Variants in CEP112 observed in about 807,000 individuals in gnomAD.
CEP112 encodes the protein centrosomal protein 112.
CEP112 carries 127 observed loss-of-function variants against 153.0 expected under a neutral mutation model. That is an observed-to-expected ratio of 0.83 (90% CI 0.72 to 0.96). CEP112 has a LOEUF of 0.96. Among genes scored for constraint, CEP112 ranks in the 40% least tolerant of loss-of-function variants. The pLI is 0.00. For missense variants in CEP112, 1,089 were observed against 1,101.2 expected (o/e 0.99, Z 0.16); for synonymous variants, 358 against 374.4 (o/e 0.96, Z 0.51).
chr17:65,783,083 A>T (rs2054089206), intron 21 of CEP112, among the ~76,000 whole-genome samples: 1 of 133,246 alleles, frequency 7.5e-6, no homozygotes, highest in African/African-American at 2.6e-5. Flanking sequence ...AAAATATTTA[A>T]AAAAAAAGAA....
At chr17:66,168,946 C>T (rs2072118616) in intron 4 of CEP112, among the ~76,000 whole-genome samples, 1 of 152,140 alleles carries the variant, frequency 6.6e-6, no homozygotes, top group South Asian at 2.1e-4. Context: ...CATGGTGTGG[C>T]ATGCCTCCCT....
chr17:65,996,877 C>A (rs1374260734), intron 17 of CEP112, among the ~76,000 whole-genome samples: 1 of 152,068 alleles, frequency 6.6e-6, no homozygotes, highest in Non-Finnish European at 1.5e-5. Context: ...AAGAAGAAAG[C>A]CTGAAGCCTC....
chr17:65,879,927 TA>T (rs763992352), intron 20 of CEP112, among the ~76,000 whole-genome samples: 4 of 140,254 alleles, frequency 2.9e-5, no homozygotes, highest in Non-Finnish European at 3.1e-5. Flanking sequence ...GAAAAGACAA[TA>T]AACAACAACA....
intron 24 of CEP112, among the ~76,000 whole-genome samples, chr17:65,647,468 C>T (rs1192793586): frequency 1.5e-5 from 2 of 136,064 alleles, no homozygotes; most frequent in African/African-American, 5.8e-5. Context: ...CCACTGTGCC[C>T]GGCCTTTTTT....
In CEP112 at chr17:65,647,656, T is replaced by C. The variant is rs930875009; in HGVS notation, c.2698-6591A>G. ...CATGCCCAGCTAATTTTTTTTTTTTTTTTCCCCATATGGATAGTTTCTCAC... is the reference window on the plus strand; with the variant it reads ...CATGCCCAGCTAATTTTTTTTTTTTCTTTCCCCATATGGATAGTTTCTCAC... On this transcript the variant is annotated intron_variant, in intron 24 of 26. Coordinates refer to ENST00000535342, the MANE Select transcript of CEP112 (RefSeq NM_001199165.4). 7.8e-3 allele frequency among the ~76,000 whole-genome samples: 1,187 copies of C among 151,512 alleles called. 20 individuals are homozygous for C. Among genetic ancestry groups the C allele is most frequent in the African/African-American group, 0.027 (1,116 of 41,256 alleles).
intron 17 of CEP112, among the ~76,000 whole-genome samples, chr17:65,969,386 A>G (rs1335882486): frequency 6.6e-6 from 1 of 152,224 alleles, no homozygotes. Context: ...TGTACATTGC[A>G]TAATACATAC....
At chr17:65,944,288 T>G (rs529319752) in intron 18 of CEP112, among the ~76,000 whole-genome samples, 1 of 152,334 alleles carries the variant, frequency 6.6e-6, no homozygotes, top group Non-Finnish European at 1.5e-5. Flanking sequence ...ATGTCACACC[T>G]GCATGTCCTA....
intron 18 of CEP112, among the ~76,000 whole-genome samples, chr17:65,959,625 G>A (rs1420381112): frequency 1.3e-5 from 2 of 152,180 alleles, no homozygotes; most frequent in Non-Finnish European, 2.9e-5. Context: ...TCCTCCTTGG[G>A]TTCCTGTGGT....
At chr17:66,188,936 C>T (rs1399899692) in intron 1 of CEP112, among the ~76,000 whole-genome samples, 1 of 152,122 alleles carries the variant, frequency 6.6e-6, no homozygotes, top group African/African-American at 2.4e-5. Flanking sequence ...TATATACTGC[C>T]CACGTACTCA....
intron 12 of CEP112, among the ~76,000 whole-genome samples, chr17:66,032,876 G>A (rs1443287): frequency 0.52 from 78,315 of 152,018 alleles, 21,101 homozygotes; most frequent in African/African-American, 0.59. Context: ...GAATAGTCCA[G>A]AAGAAGAAGT....
intron 17 of CEP112, among the ~76,000 whole-genome samples, chr17:65,971,585 TTACA>T (rs1478120159): frequency 6.6e-6 from 1 of 151,470 alleles, no homozygotes; most frequent in African/African-American, 2.4e-5. Context: ...GGCATGTATA[TTACA>T]TGCATGCATA....
intron 24 of CEP112, among the ~76,000 whole-genome samples, chr17:65,642,981 T>TC (rs1239332440): frequency 6.6e-6 from 1 of 152,220 alleles, no homozygotes; most frequent in Non-Finnish European, 1.5e-5. Context: ...AAAAATCTCA[T>TC]CCAGGCTCCC....
chr17:65,883,759 T>C (rs1187335271), intron 20 of CEP112, among the ~76,000 whole-genome samples: 1 of 152,188 alleles, frequency 6.6e-6, no homozygotes, highest in African/African-American at 2.4e-5. Flanking sequence ...AAGATCATCA[T>C]GTCTGTTGAG....
intron 23 of CEP112, among the ~76,000 whole-genome samples, chr17:65,690,425 CAA>C (rs67648497): frequency 3.0e-4 from 23 of 76,672 alleles, no homozygotes; most frequent in Admixed American, 5.5e-4. Context: ...GACCCTGTCT[CAA>C]AAAAAAAAAA....
intron 21 of CEP112, among the ~76,000 whole-genome samples, chr17:65,817,382 C>A (rs1445311704): frequency 3.3e-5 from 5 of 151,778 alleles, no homozygotes; most frequent in Admixed American, 1.3e-4. Flanking sequence ...CTGAAACAAC[C>A]AATAGCTATT....
At chr17:65,736,620 A>ATTTT (rs2050818021) in intron 23 of CEP112, among the ~76,000 whole-genome samples, 1 of 152,206 alleles carries the variant, frequency 6.6e-6, no homozygotes. Flanking sequence ...AATGGGAAAG[A>ATTTT]GGGGTTCCGA....
At chr17:65,864,688 G>A (rs1164759925) in intron 20 of CEP112, among the ~76,000 whole-genome samples, 3 of 152,160 alleles carry the variant, frequency 2.0e-5, no homozygotes, top group African/African-American at 4.8e-5. Flanking sequence ...AGGCTGAGGC[G>A]TGCCTGCTCA....
At chr17:66,076,054 GA>G (rs2067481561) in intron 8 of CEP112, among the ~76,000 whole-genome samples, 1 of 152,196 alleles carries the variant, frequency 6.6e-6, no homozygotes, top group Non-Finnish European at 1.5e-5. Flanking sequence ...AAGGCCCTGG[GA>G]GCTCGCTGGG....
chr17:65,640,154 A>ATATATATATATATATATATTT (rs1300751452), intron 25 of CEP112, among the ~76,000 whole-genome samples: 4 of 78,344 alleles, frequency 5.1e-5, no homozygotes, highest in African/African-American at 2.8e-4. Context: ...ATATATATAT[A>ATATATATATATATATATATTT]TTTTTTTTTT....
Sources: allele counts gnomAD v4.1 joint callset (sites outside exome capture counted in the v4.1 genomes callset), GRCh38; gene constraint gnomAD v4.1.1; transcripts MANE v1.5; gene names NCBI Gene and HGNC (gene_info 2026-07-23, HGNC 2026-07-21).